ZNF292: variants seen among roughly 807,000 people sequenced by gnomAD.
ZNF292 encodes the protein 16 zinc-finger domain protein.
ZNF292 carries 26 observed loss-of-function variants against 217.9 expected under a neutral mutation model. That is an observed-to-expected ratio of 0.12 (90% CI 0.09 to 0.17). ZNF292 has a LOEUF of 0.17. Ranked by LOEUF, ZNF292 falls within the 10% of genes least tolerant of loss-of-function variation. The pLI, the probability that ZNF292 is intolerant of heterozygous loss-of-function variation, is 1.00. For missense variants in ZNF292, 2,904 were observed against 3,175.2 expected (o/e 0.91, Z 2.05); for synonymous variants, 1,257 against 1,124.1 (o/e 1.12, Z -2.37).
At chr6:87,166,777 T>G (rs1770929780) in intron 1 of ZNF292, among the ~76,000 whole-genome samples, 1 of 152,238 alleles carries the variant, frequency 6.6e-6, no homozygotes, top group Non-Finnish European at 1.5e-5. Context: ...TATGTATGCA[T>G]TTGTTGCCTT....
chr6:87,208,039 C>T (rs142416167), intron 1 of ZNF292, among the ~76,000 whole-genome samples: 51 of 152,142 alleles, frequency 3.4e-4, no homozygotes, highest in African/African-American at 1.1e-3. Context: ...CACGTATGTC[C>T]GAAAATGACT....
intron 3 of ZNF292, 71 bp from the exon 4 acceptor site, chr6:87,218,525 T>C (rs1772901205): frequency 8.4e-6 from 11 of 1,302,444 alleles, no homozygotes; most frequent in South Asian, 3.5e-5. Context: ...TTTAGTGTTA[T>C]ATTTAAAGCC....
intron 1 of ZNF292, among the ~76,000 whole-genome samples, chr6:87,202,240 T>A (rs1218138390): frequency 1.3e-5 from 2 of 152,224 alleles, no homozygotes; most frequent in Non-Finnish European, 2.9e-5. Context: ...TAAAGTTTTA[T>A]ACTTTTTTTT....
rs77895767 is a variant in ZNF292 at position 87,233,887 on chromosome 6, T to G, written c.741+360T>G. Among the ~76,000 whole-genome samples, 1,461 of 152,330 alleles carry G rather than the reference T, an allele frequency of 9.6e-3. 34 individuals are homozygous for G. The highest frequency in any genetic ancestry group is 0.034 in the African/African-American group (1,412 of 41,578). On this transcript the variant is annotated intron_variant, in intron 5 of 7. Coordinates refer to ENST00000369577, the MANE Select transcript of ZNF292 (RefSeq NM_015021.3). ...TGCACATCTTTTAAACTGGCTAATTTAAGTAACTTTATAGAATTTTTGTGA... is the reference window on the plus strand; with the variant it reads ...TGCACATCTTTTAAACTGGCTAATTGAAGTAACTTTATAGAATTTTTGTGA...
intron 1 of ZNF292, among the ~76,000 whole-genome samples, chr6:87,187,904 C>T (rs1032541406): frequency 3.3e-5 from 5 of 152,074 alleles, no homozygotes; most frequent in African/African-American, 1.2e-4. Context: ...CAAGAGAGCT[C>T]TTACCCTAAT....
At chr6:87,164,234 A>T (rs752990576) in intron 1 of ZNF292, among the ~76,000 whole-genome samples, 1 of 152,170 alleles carries the variant, frequency 6.6e-6, no homozygotes, top group Non-Finnish European at 1.5e-5. Flanking sequence ...TGGTTGTCAG[A>T]CAGGCTGGTC....
chr6:87,189,650 G>T (rs921574411), intron 1 of ZNF292, among the ~76,000 whole-genome samples: 2 of 150,964 alleles, frequency 1.3e-5, no homozygotes, highest in Admixed American at 6.6e-5. Context: ...TTTACAGGGT[G>T]GGGGGAAGAA....
chr6:87,210,943 A>G lies in ZNF292; in HGVS notation c.169-4960A>G, dbSNP rs545459553. ...TTTTTTTTGTTTTAAAAGAAAAGCC[A>G]GAAACCCAAGTTTTTATGTAAAATA... On this transcript the variant is annotated intron_variant, in intron 1 of 7. Transcript: ENST00000369577. Among the ~76,000 whole-genome samples, 12 of 152,330 alleles carry G rather than the reference A, an allele frequency of 7.9e-5. No homozygotes were observed. In the South Asian group the frequency reaches 2.1e-3, roughly 26 times the overall value.
chr6:87,212,867 G>A (rs887308350), intron 1 of ZNF292, among the ~76,000 whole-genome samples: 3 of 152,196 alleles, frequency 2.0e-5, no homozygotes, highest in African/African-American at 7.2e-5. Context: ...AGATTGGAGA[G>A]TATAACCATT....
chr6:87,162,667 G>A (rs1220209357), intron 1 of ZNF292, among the ~76,000 whole-genome samples: 1 of 152,164 alleles, frequency 6.6e-6, no homozygotes, highest in Non-Finnish European at 1.5e-5. Context: ...ACTAAGCTTT[G>A]CTTGCCCCCT....
chr6:87,202,066 AT>A (rs1772115767), intron 1 of ZNF292, among the ~76,000 whole-genome samples: 1 of 152,134 alleles, frequency 6.6e-6, no homozygotes, highest in Non-Finnish European at 1.5e-5. Context: ...CTTTTGAATG[AT>A]TTTTAGAATC....
rs1411891139 is a variant in ZNF292, at chr6:87,260,569, A to G, written c.6940A>G (p.Lys2314Glu). 8 of 1,613,136 alleles carry G rather than the reference A, an allele frequency of 5.0e-6. No homozygotes were observed. The highest frequency in any genetic ancestry group is 3.3e-5 in the Admixed American group (2 of 59,838). The change falls in exon 8 of 8, where the codon AAA (lysine) becomes GAA (glutamate). Residue 2314 changes from lysine (K) to glutamate (E), a missense_variant. Transcript: ENST00000369577. ...SKANQEKSKS[K>E]HRGTKHSRCG... ...GGCAAACCAAGAAAAATCAAAGTCT[A>G]AACATCGGGGGACCAAGCACAGCAG... is the stretch of plus-strand genomic sequence containing the variant.
At chr6:87,242,361 C>T (rs1244114645) in intron 5 of ZNF292, among the ~76,000 whole-genome samples, 1 of 152,032 alleles carries the variant, frequency 6.6e-6, no homozygotes, top group Non-Finnish European at 1.5e-5. Context: ...TCTAAGAAGG[C>T]CCAATTTAAT....
chr6:87,230,595 G>A (rs547389798), intron 4 of ZNF292, among the ~76,000 whole-genome samples: 44 of 152,092 alleles, frequency 2.9e-4, no homozygotes, highest in Admixed American at 8.5e-4. Flanking sequence ...TTAGCCGGGC[G>A]TGGTGGCGGG....
chr6:87,237,770 A>G (rs939599572), intron 5 of ZNF292, among the ~76,000 whole-genome samples: 1 of 152,170 alleles, frequency 6.6e-6, no homozygotes, highest in African/African-American at 2.4e-5. Context: ...TTGGTTTTAA[A>G]TATTTTATTA....
intron 7 of ZNF292, among the ~76,000 whole-genome samples, chr6:87,245,882 A>C (rs1450717623): frequency 2.6e-5 from 4 of 152,224 alleles, no homozygotes; most frequent in Non-Finnish European, 4.4e-5. Context: ...CTTAAATTAT[A>C]TCATTCTTCT....
chr6:87,240,119 G>A (rs1453408690), intron 5 of ZNF292, among the ~76,000 whole-genome samples: 1 of 152,200 alleles, frequency 6.6e-6, no homozygotes, highest in African/African-American at 2.4e-5. Flanking sequence ...GGAGGCCAAG[G>A]CTGGCAGATC....
chr6:87,216,134 CACA>C, intron 2 of ZNF292, 77 bp downstream of exon 2: 1 of 753,966 alleles, frequency 1.3e-6, no homozygotes. Context: ...CACACACACA[CACA>C]CACACACACA....
intron 1 of ZNF292, among the ~76,000 whole-genome samples, chr6:87,212,343 C>G (rs1387618684): frequency 6.6e-6 from 1 of 152,060 alleles, no homozygotes; most frequent in Admixed American, 6.6e-5. Flanking sequence ...CATGATTGAT[C>G]AGATCATTGG....
Sources: allele counts gnomAD v4.1 joint callset (sites outside exome capture counted in the v4.1 genomes callset), GRCh38; gene constraint gnomAD v4.1.1; transcripts MANE v1.5; gene names NCBI Gene and HGNC (gene_info 2026-07-23, HGNC 2026-07-21).